PPARGC1A: variants seen among roughly 807,000 people sequenced by gnomAD.
PPARGC1A encodes peroxisome proliferator-activated receptor gamma coactivator 1-alpha.
A neutral mutation model predicts 88.7 loss-of-function variants in PPARGC1A; 25 were observed. That is an observed-to-expected ratio of 0.28 (90% confidence interval 0.21 to 0.39). The LOEUF (loss-of-function observed/expected upper bound fraction) is 0.39. Ranked by LOEUF, PPARGC1A falls within the 10% of genes least tolerant of loss-of-function variation. The pLI is 1.00. For synonymous variants in PPARGC1A, 363 were observed against 355.6 expected (o/e 1.02, Z -0.24); for missense variants, 880 against 968.7 (o/e 0.91, Z 1.22).
At chr4:24,035,932 G>A in the PPARGC1A span, among the ~76,000 whole-genome samples, 1 of 152,158 alleles carries the variant, frequency 6.6e-6, no homozygotes, top group Non-Finnish European at 1.5e-5. Flanking sequence ...GATGTTAAAT[G>A]ATGTTATCCC....
chr4:24,351,615 A>G, the PPARGC1A span, among the ~76,000 whole-genome samples: 1 of 152,152 alleles, frequency 6.6e-6, no homozygotes, highest in African/African-American at 2.4e-5. Context: ...ATTCACAAAA[A>G]TAAGGCCAAA....
At chr4:24,039,845 C>T in the PPARGC1A span, among the ~76,000 whole-genome samples, 882 of 152,140 alleles carry the variant, frequency 5.8e-3, 38 homozygotes, top group East Asian at 0.097. Flanking sequence ...GCCACTGCTG[C>T]CACCACCACC....
chr4:23,821,505 A>C (rs1723008415), intron 7 of PPARGC1A, among the ~76,000 whole-genome samples: 2 of 152,164 alleles, frequency 1.3e-5, no homozygotes, highest in South Asian at 4.2e-4. Context: ...AAAAAGAATA[A>C]ATAACTTCAT....
chr4:24,245,299 G>C, the PPARGC1A span, among the ~76,000 whole-genome samples: 2 of 152,176 alleles, frequency 1.3e-5, no homozygotes, highest in African/African-American at 2.4e-5. Flanking sequence ...TAAAGCATTG[G>C]AGCGTCTTAT....
At chr4:24,166,323 T>A in the PPARGC1A span, among the ~76,000 whole-genome samples, 1 of 152,226 alleles carries the variant, frequency 6.6e-6, no homozygotes, top group Non-Finnish European at 1.5e-5. Context: ...AAGTGCAAAG[T>A]GAAGCAGCAA....
At chr4:24,238,293 T>C in the PPARGC1A span, among the ~76,000 whole-genome samples, 3 of 152,202 alleles carry the variant, frequency 2.0e-5, no homozygotes, top group Non-Finnish European at 2.9e-5. Flanking sequence ...GCATTGTTAG[T>C]GATGTTATTT....
At chr4:23,883,038 C>A (rs143391957) in intron 2 of PPARGC1A, 2 of 152,096 alleles carry the variant, frequency 1.3e-5, no homozygotes, top group African/African-American at 2.4e-5. Context: ...TTTTTTAAAG[C>A]ATTGTTTATT....
chr4:24,159,613 TATA>T, the PPARGC1A span, among the ~76,000 whole-genome samples: 3 of 152,222 alleles, frequency 2.0e-5, no homozygotes, highest in African/African-American at 7.2e-5. Flanking sequence ...ACCACTTTCC[TATA>T]ATAGTTATTG....
At chr4:24,387,938 A>G in the PPARGC1A span, among the ~76,000 whole-genome samples, 2 of 114,946 alleles carry the variant, frequency 1.7e-5, no homozygotes, top group African/African-American at 8.4e-5. Flanking sequence ...AAGAAAGAGA[A>G]AGAAAGAAAG....
chr4:24,256,463 G>A, the PPARGC1A span, among the ~76,000 whole-genome samples: 1 of 152,140 alleles, frequency 6.6e-6, no homozygotes, highest in Admixed American at 6.5e-5. Flanking sequence ...AGGAGACTTC[G>A]TGTTCTAATG....
At chr4:23,908,439 T>C (rs547311871), upstream of PPARGC1A, among the ~76,000 whole-genome samples, 1 of 151,482 alleles carries the variant, frequency 6.6e-6, no homozygotes, top group African/African-American at 2.4e-5. Context: ...AGAGAAGAAA[T>C]GTAAGCATAA....
At chr4:24,255,832 C>A in the PPARGC1A span, among the ~76,000 whole-genome samples, 1 of 152,168 alleles carries the variant, frequency 6.6e-6, no homozygotes, top group African/African-American at 2.4e-5. Context: ...CGCTCCACTG[C>A]CCTGTGCTTC....
At chr4:24,044,534 G>C in the PPARGC1A span, among the ~76,000 whole-genome samples, 2 of 146,532 alleles carry the variant, frequency 1.4e-5, no homozygotes, top group South Asian at 4.4e-4. Context: ...CTACCCACCA[G>C]CATTAACGGG....
At chr4:24,442,014 A>G in the PPARGC1A span, among the ~76,000 whole-genome samples, 1 of 152,240 alleles carries the variant, frequency 6.6e-6, no homozygotes, top group Non-Finnish European at 1.5e-5. Flanking sequence ...AAAGATGTTT[A>G]TATTCATTTT....
At chr4:24,379,335 A>G in the PPARGC1A span, among the ~76,000 whole-genome samples, 1 of 152,184 alleles carries the variant, frequency 6.6e-6, no homozygotes. Flanking sequence ...GAAACATACA[A>G]TTAGACAGAT....
At chr4:23,900,295 C>T (rs572873455), upstream of PPARGC1A, among the ~76,000 whole-genome samples, 12 of 152,250 alleles carry the variant, frequency 7.9e-5, no homozygotes, top group South Asian at 2.1e-4. Flanking sequence ...CATTATTGAA[C>T]GGTGTCATTG....
intron 7 of PPARGC1A, chr4:23,820,768 C>A: frequency 5.0e-6 from 1 of 200,038 alleles, no homozygotes; most frequent in Non-Finnish European, 1.1e-5. Flanking sequence ...CTCAAAGACA[C>A]TGCAGATGGG....
At chr4:24,425,234 A>G in the PPARGC1A span, among the ~76,000 whole-genome samples, 1 of 152,212 alleles carries the variant, frequency 6.6e-6, no homozygotes, top group Non-Finnish European at 1.5e-5. Flanking sequence ...ATACCTTAAA[A>G]TATCACGGGC....
chr4:24,392,948 T>C, the PPARGC1A span, among the ~76,000 whole-genome samples: 1 of 151,976 alleles, frequency 6.6e-6, no homozygotes, highest in African/African-American at 2.4e-5. Flanking sequence ...TCTCTTAGGC[T>C]TCAAATGAAG....
Sources: allele counts gnomAD v4.1 joint callset (sites outside exome capture counted in the v4.1 genomes callset), GRCh38; gene constraint gnomAD v4.1.1; transcripts MANE v1.5; gene names NCBI Gene and HGNC (gene_info 2026-07-23, HGNC 2026-07-21).